RAPGEFL1: variants seen among roughly 807,000 people sequenced by gnomAD.
RAPGEFL1 encodes the protein Rap guanine nucleotide exchange factor like 1, also known as rap guanine nucleotide exchange factor-like 1.
Under a neutral mutation model 64.4 loss-of-function variants are expected in RAPGEFL1, and 31 were observed. That is an observed-to-expected ratio of 0.48 (90% CI 0.36 to 0.65). The LOEUF (loss-of-function observed/expected upper bound fraction) is 0.65, where lower values mean the gene tolerates loss of function less well. Ranked by LOEUF, RAPGEFL1 falls within the 30% of genes least tolerant of loss-of-function variation. The pLI is 0.00. For synonymous variants in RAPGEFL1, 331 were observed against 274.1 expected, an observed-to-expected ratio of 1.21 and a Z score of -2.05; for missense variants, 682 against 677.4, an observed-to-expected ratio of 1.01 and a Z score of -0.08.
chr17:40,192,610 C>T lies in RAPGEFL1; in HGVS notation c.1661C>T (p.Pro554Leu). The change falls in exon 12 of 15, where the codon CCC (proline) becomes CTC (leucine). Residue 554 changes from proline to leucine, a missense_variant. By Grantham distance (98) the Pro-to-Leu change is moderately conservative (BLOSUM62 -3). This residue lies in a region of RAPGEFL1 where 411 missense variants were observed against 519.4 expected (regional missense o/e 0.79). Coordinates refer to ENST00000620260, the MANE Select transcript of RAPGEFL1 (RefSeq NM_016339.6). ...LFRKFENLTD[P>L]CRNHKSYREV... Reference sequence around the variant, plus strand: ...CTCTCTCCTGTGGAATACTAGGACCCCTGCAGGAACCACAAAAGCTACCGA... The same window carrying T: ...CTCTCTCCTGTGGAATACTAGGACCTCTGCAGGAACCACAAAAGCTACCGA... The T allele has an allele frequency of 6.2e-7, 1 of 1,613,126 alleles. No individual in the cohort carries two copies.
chr17:40,191,521 GGGCCGGA>G lies in RAPGEFL1; in HGVS notation c.1514+39_1515-43del, dbSNP rs985659196. 2 of 1,581,566 alleles carry G rather than the reference GGGCCGGA, an allele frequency of 1.3e-6. No homozygotes were observed. Among genetic ancestry groups the G allele is most frequent in the African/African-American group, 1.3e-5 (1 of 74,080 alleles). On this transcript the variant is annotated intron_variant, in intron 9 of 14. Transcript: ENST00000620260. The surrounding 1 kb of genome is among the most constrained non-coding windows in gnomAD (Gnocchi z 5.1). ...TGAGTGCGGCCGTCGGCGGGATGGG[GGGCCGGA>G]GGCCGGAGGCCCGCGCCGCCGCCCG... is the stretch of plus-strand genomic sequence containing the variant.
Position 40,177,712 on chromosome 17 carries a change from G to A in RAPGEFL1, c.-150G>A, listed in dbSNP as rs111460209. The A allele has an allele frequency of 0.017, 7,110 of 409,384 alleles. 93 individuals carry two copies. The highest frequency in any genetic ancestry group is 0.024 in the Non-Finnish European group (5,601 of 235,130). The allele number at this position is 409,384 out of a possible 1,614,324, so 25.4% of individuals were successfully genotyped here. ...TGGCCACTGGACTCTGGCCAGCGAG[G>A]CTCGGCCCCTCTGGCCCCCAGTCTG... On this transcript the variant is annotated 5_prime_UTR_variant, in exon 1 of 15. Coordinates refer to ENST00000620260, the MANE Select transcript of RAPGEFL1 (RefSeq NM_016339.6).
At chr17:40,177,442 A>G (rs543854626), upstream of RAPGEFL1, 16 of 654,936 alleles carry the variant, frequency 2.4e-5, no homozygotes, top group African/African-American at 2.3e-4. Context: ...CGGGGACTGG[A>G]GGAGGGGGCG....
chr17:40,178,419 C>G, intron 1 of RAPGEFL1, 38 bp downstream of exon 1: 1 of 473,586 alleles, frequency 2.1e-6, no homozygotes, highest in Non-Finnish European at 3.8e-6. Context: ...AGAGCAGGGG[C>G]TGGCCCCGGC....
Position 40,177,529 on chromosome 17 carries a change from C to T in RAPGEFL1, c.-333C>T. On this transcript the variant is annotated 5_prime_UTR_variant, in exon 1 of 15. Transcript: ENST00000620260. Reference sequence around the variant, plus strand: ...CGCCGCCGCCGCCGCCGCGTCCTCTCAGCCTTGCGCTCCGCCCGCTGCCTC... The same window carrying T: ...CGCCGCCGCCGCCGCCGCGTCCTCTTAGCCTTGCGCTCCGCCCGCTGCCTC... 1.8e-6 allele frequency: 1 copy of T among 558,630 alleles called. No individual in the cohort carries two copies. Among genetic ancestry groups the T allele is most frequent in the Non-Finnish European group, 3.1e-6 (1 of 318,462 alleles). 34.6% of individuals were successfully genotyped at this position (558,630 alleles called of 1,614,324 possible). A position where few individuals can be genotyped will look rare whatever the true frequency, so the allele number is the denominator to read the frequency against.
At chr17:40,184,501 G>T in intron 3 of RAPGEFL1, 80 bp from the exon 4 acceptor site, 1 of 1,146,296 alleles carries the variant, frequency 8.7e-7, no homozygotes, top group Non-Finnish European at 1.2e-6. Context: ...TAAAGGTATG[G>T]AGACCTTGCC....
At chr17:40,177,149 T>C, upstream of RAPGEFL1, 1 of 702,580 alleles carries the variant, frequency 1.4e-6, no homozygotes, top group Non-Finnish European at 2.6e-6. Flanking sequence ...TGCACACTCT[T>C]GGGTTCAGCA....
At chr17:40,187,779 T>G (rs1262619104) in intron 4 of RAPGEFL1, among the ~76,000 whole-genome samples, 1 of 151,476 alleles carries the variant, frequency 6.6e-6, no homozygotes, top group African/African-American at 2.4e-5. Flanking sequence ...CCCGGCTAAT[T>G]TTTTATATTT....
Position 40,178,025 on chromosome 17 carries a change from G to A in RAPGEFL1, c.164G>A (p.Arg55Gln). The part of the protein sequence containing the change: ...GPAGGQRSLQ[R>Q]RQSVSRLLLP... ...GCCGGGGGACAGCGGTCGTTGCAGC[G>A]GCGTCAGAGCGTGTCTCGCCTGCTG... is the stretch of plus-strand genomic sequence containing the variant. Residue 55 changes from arginine (R) to glutamine (Q), a missense_variant, in exon 1 of 15, where the codon CGG becomes CAG. Physicochemically the swap from Arg to Gln is conservative, Grantham distance 43. Coordinates refer to ENST00000620260, the MANE Select transcript of RAPGEFL1 (RefSeq NM_016339.6). 1 of 544,902 alleles carries A rather than the reference G, an allele frequency of 1.8e-6. No homozygotes were observed. Among genetic ancestry groups the A allele is most frequent in the Non-Finnish European group, 3.2e-6 (1 of 311,610 alleles). The allele number at this position is 544,902 out of a possible 1,614,324, so 33.8% of individuals were successfully genotyped here. A position where few individuals can be genotyped will look rare whatever the true frequency, so the allele number is the denominator to read the frequency against.
In RAPGEFL1 at chr17:40,190,771, C is replaced by G. The variant is rs1341652230; in HGVS notation, c.1335+9C>G. 6.2e-7 allele frequency: 1 copy of G among 1,613,884 alleles called. No individual in the cohort carries two copies. The highest frequency in any genetic ancestry group is 8.5e-7 in the Non-Finnish European group (1 of 1,179,910). ...TCCGATGTGTGCATGAGGTGGGGACCGAGGCTGGTGCTATGCTGGGGGGCT... is the reference window on the plus strand; with the variant it reads ...TCCGATGTGTGCATGAGGTGGGGACGGAGGCTGGTGCTATGCTGGGGGGCT... On this transcript the variant is annotated intron_variant, in intron 8 of 14. Coordinates refer to ENST00000620260, the MANE Select transcript of RAPGEFL1 (RefSeq NM_016339.6).
At chr17:40,181,763 C>T in intron 2 of RAPGEFL1, 69 bp downstream of exon 2, 1 of 693,554 alleles carries the variant, frequency 1.4e-6, no homozygotes, top group South Asian at 1.5e-5. Flanking sequence ...CACATGCAAT[C>T]TCAGAGCCTA....
intron 8 of RAPGEFL1, 162 bp downstream of exon 8, chr17:40,190,924 A>T (rs1368377254): frequency 8.9e-7 from 1 of 1,125,804 alleles, no homozygotes; most frequent in Non-Finnish European, 1.2e-6. Context: ...AAAAAATCGC[A>T]AAGAGAGAGA....
chr17:40,183,090 G>A (rs1353026802), intron 2 of RAPGEFL1, among the ~76,000 whole-genome samples: 1 of 152,202 alleles, frequency 6.6e-6, no homozygotes. Context: ...AGAGGTTGCA[G>A]TGAGCTGAGA....
At chr17:40,192,072 T>C in intron 10 of RAPGEFL1, 141 bp from the exon 11 acceptor site, 1 of 758,644 alleles carries the variant, frequency 1.3e-6, no homozygotes, top group Admixed American at 2.2e-5. Context: ...CCTGACTTCA[T>C]TTCCCCACCC....
rs1280474147 is a variant in RAPGEFL1 at position 40,189,307 on chromosome 17, T to G, written c.1046T>G (p.Leu349Arg). ...ATTCTGGGCTCTGTGACGGAGAAAC[T>G]TCAATATTCAGAGGAGCCCGCGGGG... The part of the protein sequence containing the change: ...QDILGSVTEK[L>R]QYSEEPAGRE... Residue 349 changes from leucine to arginine, a missense_variant, in exon 6 of 15, where the codon CTT becomes CGT. This residue lies in a region of RAPGEFL1 where 411 missense variants were observed against 519.4 expected (regional missense o/e 0.79). Coordinates refer to ENST00000620260, the MANE Select transcript of RAPGEFL1 (RefSeq NM_016339.6). 1.2e-6 allele frequency: 2 copies of G among 1,614,036 alleles called. No individual in the cohort carries two copies. The highest frequency in any genetic ancestry group is 1.7e-6 in the Non-Finnish European group (2 of 1,180,030).
intron 1 of RAPGEFL1, among the ~76,000 whole-genome samples, chr17:40,180,771 T>G (rs1989870307): frequency 6.6e-6 from 1 of 152,222 alleles, no homozygotes; most frequent in African/African-American, 2.4e-5. Flanking sequence ...CCACAGGAGA[T>G]AGTGAACCAA....
At chr17:40,184,085 C>A in intron 2 of RAPGEFL1, 129 bp from the exon 3 acceptor site, 1 of 755,932 alleles carries the variant, frequency 1.3e-6, no homozygotes, top group South Asian at 1.5e-5. Context: ...CTCAGGTGAT[C>A]CGCCCGCCTC....
Position 40,184,272 on chromosome 17 carries a change from C to G in RAPGEFL1, c.658C>G (p.Leu220Val). 6.2e-7 allele frequency: 1 copy of G among 1,613,784 alleles called. No individual in the cohort carries two copies. The highest frequency in any genetic ancestry group is 8.5e-7 in the Non-Finnish European group (1 of 1,179,932). ...PEGLGRKQAC[L>V]AMLLHFLDTY... Reference sequence around the variant, plus strand: ...AGGGCTGGGCCGGAAGCAAGCCTGTCTAGCCATGCTTCTCCATTTCTTGGA... The same window carrying G: ...AGGGCTGGGCCGGAAGCAAGCCTGTGTAGCCATGCTTCTCCATTTCTTGGA... The change falls in exon 3 of 15, where the codon CTA (leucine) becomes GTA (valine). Residue 220 changes from leucine to valine, a missense_variant. Around this residue, in one of 2 missense-constraint regions of RAPGEFL1, gnomAD observed 271 missense variants for 158.0 expected, o/e 1.72. Transcript: ENST00000620260.
intron 11 of RAPGEFL1, 115 bp downstream of exon 11, chr17:40,192,378 C>A: frequency 8.2e-7 from 1 of 1,216,610 alleles, no homozygotes; most frequent in Non-Finnish European, 1.2e-6. Flanking sequence ...ATGGGACCCC[C>A]CACCCTCCTT....
Sources: gnomAD v4.1 joint callset for allele counts (sites outside exome capture counted in the v4.1 genomes callset) on GRCh38, gnomAD v4.1.1 for gene constraint, gnomAD v4.1.1 regional missense constraint, Gnocchi (gnomAD v3.1) non-coding constraint, MANE v1.5 for transcripts, NCBI Gene and HGNC (gene_info 2026-07-23, HGNC 2026-07-21) for gene names.